The following ROBO1 variants were observed in gnomAD, a reference collection of about 807,000 sequenced individuals.
ROBO1 encodes roundabout homolog 1.
ROBO1 carries 149 observed loss-of-function variants against 195.9 expected under a neutral mutation model. The observed-to-expected ratio is 0.76, with a 90% CI of 0.67 to 0.87. The LOEUF is 0.87. Among genes scored for constraint, ROBO1 ranks in the 40% least tolerant of loss-of-function variants. The pLI, the probability that ROBO1 is intolerant of heterozygous loss-of-function variation, is 0.00. For missense variants in ROBO1, 1,933 were observed against 2,068.3 expected, an observed-to-expected ratio of 0.93 and a Z score of 1.27; for synonymous variants, 816 against 733.2, an observed-to-expected ratio of 1.11 and a Z score of -1.82.
intron 4 of ROBO1, among the ~76,000 whole-genome samples, chr3:78,790,067 C>T (rs1006436219): frequency 2.0e-5 from 3 of 152,148 alleles, no homozygotes; most frequent in African/African-American, 4.8e-5. Flanking sequence ...ATACCATGAA[C>T]CTTGACCAAT....
chr3:79,122,191 G>A (rs1344906120), intron 3 of ROBO1, among the ~76,000 whole-genome samples: 1 of 151,872 alleles, frequency 6.6e-6, no homozygotes, highest in Non-Finnish European at 1.5e-5. Context: ...CTTCTTACTT[G>A]TTCTTGCAAC....
At chr3:79,756,183 G>A (rs553738592) in intron 1 of ROBO1, among the ~76,000 whole-genome samples, 2 of 152,164 alleles carry the variant, frequency 1.3e-5, no homozygotes, top group African/African-American at 2.4e-5. Flanking sequence ...ATATTAATAG[G>A]TGAAGAGTCT....
intron 2 of ROBO1, among the ~76,000 whole-genome samples, chr3:79,393,393 G>A (rs1381119211): frequency 6.6e-6 from 1 of 152,178 alleles, no homozygotes; most frequent in African/African-American, 2.4e-5. Context: ...CTTCATGGTT[G>A]AGAAATAGCC....
At chr3:79,408,705 T>C (rs2037650616) in intron 2 of ROBO1, among the ~76,000 whole-genome samples, 3 of 152,264 alleles carry the variant, frequency 2.0e-5, no homozygotes, top group African/African-American at 7.2e-5. Flanking sequence ...CCACCATTTT[T>C]TGAAACTTGC....
chr3:78,926,987 C>CA (rs941214794), intron 4 of ROBO1, among the ~76,000 whole-genome samples: 241 of 143,668 alleles, frequency 1.7e-3, no homozygotes, highest in South Asian at 6.8e-3. Context: ...GAGAATATTT[C>CA]AAAAAAAAAA....
intron 2 of ROBO1, among the ~76,000 whole-genome samples, chr3:79,430,624 T>C (rs1245060977): frequency 6.6e-6 from 1 of 152,126 alleles, no homozygotes; most frequent in African/African-American, 2.4e-5. Context: ...GTTGCAGAAA[T>C]GAAAGGCTGT....
In ROBO1 at chr3:78,627,395, T is replaced by G. The variant is rs1704874710; in HGVS notation, c.3801A>C (p.Pro1267=). The G allele has an allele frequency of 6.2e-7, 1 of 1,612,356 alleles. No homozygotes were observed. The highest frequency in any genetic ancestry group is 1.7e-5 in the Admixed American group (1 of 59,840). The change falls in exon 26 of 31, where the codon CCA becomes CCC. Residue 1267 remains proline (P), a synonymous_variant. Coordinates refer to ENST00000464233, the MANE Select transcript of ROBO1 (RefSeq NM_002941.4). ...GTAACATGGGCTGGAGTTCTTCCTG[T>G]GGGGAGGGAGTCAGAGTGGCAGTGG... is the stretch of plus-strand genomic sequence containing the variant. The part of the protein sequence containing the change: ...HQSTATLTPS[P]QEELQPMLQD...
chr3:78,716,916 G>A (rs1282545659), intron 7 of ROBO1, among the ~76,000 whole-genome samples: 1 of 152,006 alleles, frequency 6.6e-6, no homozygotes, highest in East Asian at 1.9e-4. Flanking sequence ...TTTTTAATTG[G>A]CTCATAGATA....
chr3:79,535,439 C>A (rs1399887943), intron 2 of ROBO1, among the ~76,000 whole-genome samples: 1 of 152,118 alleles, frequency 6.6e-6, no homozygotes, highest in African/African-American at 2.4e-5. Context: ...GGTACATTTT[C>A]CTCTCAAAGT....
intron 2 of ROBO1, among the ~76,000 whole-genome samples, chr3:79,433,847 A>C (rs1421925793): frequency 6.6e-6 from 1 of 152,202 alleles, no homozygotes; most frequent in African/African-American, 2.4e-5. Context: ...CTGGTACCAA[A>C]ACAGAGATAT....
At position 78,659,728 on chromosome 3, in the gene ROBO1, T is replaced by A; in HGVS notation, c.2400A>T (p.Pro800=). Residue 800 remains proline, a synonymous_variant, in exon 17 of 31, where the codon CCA becomes CCT. Coordinates refer to ENST00000464233, the MANE Select transcript of ROBO1 (RefSeq NM_002941.4). ...NGTAILVSWQ[P]PPEDTQNGMV... is the part of the protein sequence containing the mutation. ...TTCCATTTTGAGTGTCTTCTGGAGG[T>A]GGCTGCCAACTAACTAGAATTGCAG... 1 of 1,573,530 alleles carries A rather than the reference T, an allele frequency of 6.4e-7. No individual in the cohort carries two copies. The highest frequency in any genetic ancestry group is 8.6e-7 in the Non-Finnish European group (1 of 1,157,834).
chr3:79,500,161 C>A (rs1226833203), intron 2 of ROBO1, among the ~76,000 whole-genome samples: 3 of 116,258 alleles, frequency 2.6e-5, no homozygotes, highest in Non-Finnish European at 4.9e-5. Context: ...GAAGAAGTCT[C>A]GCTCTGTCGC....
At chr3:79,679,288 A>G (rs781545625) in intron 1 of ROBO1, among the ~76,000 whole-genome samples, 3 of 151,972 alleles carry the variant, frequency 2.0e-5, no homozygotes, top group Admixed American at 6.6e-5. Flanking sequence ...ATTTTATATT[A>G]GTTGTTTTAT....
At chr3:79,603,224 G>GA (rs1944388644) in intron 1 of ROBO1, among the ~76,000 whole-genome samples, 1 of 151,746 alleles carries the variant, frequency 6.6e-6, no homozygotes. Flanking sequence ...TGCTTTAATG[G>GA]ATGAGGTCTA....
At chr3:78,683,229 T>C (rs767287354) in intron 10 of ROBO1, among the ~76,000 whole-genome samples, 35 of 152,138 alleles carry the variant, frequency 2.3e-4, no homozygotes, top group Middle Eastern at 6.8e-3. Context: ...CTACAAACCA[T>C]TGCTGAGAGA....
chr3:78,792,398 T>TTAGATA, intron 4 of ROBO1, among the ~76,000 whole-genome samples: 1 of 152,318 alleles, frequency 6.6e-6, no homozygotes, highest in East Asian at 1.9e-4. Context: ...TACCTACTAA[T>TTAGATA]GTGCCATTAT....
intron 2 of ROBO1, among the ~76,000 whole-genome samples, chr3:79,319,726 A>C (rs2033892576): frequency 6.6e-6 from 1 of 152,174 alleles, no homozygotes; most frequent in Admixed American, 6.5e-5. Context: ...TTAAGCTTTG[A>C]GATATCCTGT....
chr3:79,519,642 A>AAAAG (rs1941117624), intron 2 of ROBO1, among the ~76,000 whole-genome samples: 1 of 150,998 alleles, frequency 6.6e-6, no homozygotes, highest in African/African-American at 2.4e-5. Flanking sequence ...AAAAAAAAAA[A>AAAAG]AAAAAAAGAA....
At chr3:79,440,879 T>G (rs1162212089) in intron 2 of ROBO1, among the ~76,000 whole-genome samples, 2 of 152,056 alleles carry the variant, frequency 1.3e-5, no homozygotes, top group Non-Finnish European at 2.9e-5. Context: ...TCGGATGCCA[T>G]CAAATGGATT....
Sources: allele counts gnomAD v4.1 joint callset (sites outside exome capture counted in the v4.1 genomes callset), GRCh38; gene constraint gnomAD v4.1.1; transcripts MANE v1.5; gene names NCBI Gene and HGNC (gene_info 2026-07-23, HGNC 2026-07-21).